GNPDA2: variants seen among roughly 807,000 people sequenced by gnomAD.
GNPDA2 encodes the protein glcN6P deaminase 2.
GNPDA2 carries 24 observed loss-of-function variants against 27.0 expected under a neutral mutation model. The observed-to-expected ratio is 0.89, with a 90% confidence interval of 0.64 to 1.25. The LOEUF is 1.25. GNPDA2 is among the 50% of genes most tolerant of loss of function. The pLI, the probability that GNPDA2 is intolerant of heterozygous loss-of-function variation, is 0.00. For synonymous variants in GNPDA2, 94 were observed against 108.4 expected (o/e 0.87, Z 0.83); for missense variants, 286 against 335.1 (o/e 0.85, Z 1.14).
chr4:44,702,664 C>T lies in GNPDA2; in HGVS notation c.*417G>A. On this transcript the variant is annotated 3_prime_UTR_variant, in exon 7 of 7. Transcript: ENST00000295448. ...GCACAGAAAATATAAAGATTGCATT[C>T]CAAAAGTGAAGGTCTGCAATGATAG... is the stretch of plus-strand genomic sequence containing the variant. The T allele has an allele frequency of 9.9e-7, 1 of 1,014,426 alleles. No individual in the cohort carries two copies. Among genetic ancestry groups the T allele is most frequent in the South Asian group, 4.1e-5 (1 of 24,408 alleles). 62.8% of individuals were successfully genotyped at this position (1,014,426 alleles called of 1,614,324 possible). A position where few individuals can be genotyped will look rare whatever the true frequency, so the allele number is the denominator to read the frequency against.
At chr4:44,708,503 GCACATAGGAACTGTCTTATAAT>G (rs34687397) in intron 5 of GNPDA2, among the ~76,000 whole-genome samples, 79,837 of 151,834 alleles carry the variant, frequency 0.53, 22,426 homozygotes, top group Non-Finnish European at 0.64. Flanking sequence ...TGTCTTATAA[GCACATAGGAACTGTCTTATAAT>G]CACATATGAC....
intron 3 of GNPDA2, 135 bp downstream of exon 3, chr4:44,718,174 T>A (rs888098100): frequency 1.2e-5 from 5 of 410,000 alleles, no homozygotes; most frequent in Non-Finnish European, 2.2e-5. Flanking sequence ...AAGCAGTACA[T>A]TTTAGAAATA....
At chr4:44,704,987 T>C in intron 6 of GNPDA2, 1 of 983,596 alleles carries the variant, frequency 1.0e-6, no homozygotes. Context: ...GTGATTAACT[T>C]GTATCTTTCA....
chr4:44,712,534 AATAT>A (rs1717041377), intron 4 of GNPDA2, among the ~76,000 whole-genome samples: 1 of 36,968 alleles, frequency 2.7e-5, no homozygotes, highest in South Asian at 7.6e-4. Flanking sequence ...TCTGCTTATA[AATAT>A]ATATTAATTA....
At chr4:44,720,171 T>C (rs1364638310) in intron 2 of GNPDA2, among the ~76,000 whole-genome samples, 2 of 152,182 alleles carry the variant, frequency 1.3e-5, no homozygotes, top group Non-Finnish European at 2.9e-5. Flanking sequence ...CTGTCTACCA[T>C]GTGGCTAGAT....
In GNPDA2 at chr4:44,707,778, C is replaced by T. The variant is rs768553217; in HGVS notation, c.743G>A (p.Arg248Lys). 3.7e-6 allele frequency: 6 copies of T among 1,612,992 alleles called. No individual in the cohort carries two copies. The highest frequency in any genetic ancestry group is 5.1e-6 in the Non-Finnish European group (6 of 1,179,544). The change falls in exon 6 of 7, where the codon AGA (arginine) becomes AAA (lysine). Residue 248 changes from arginine (R) to lysine (K), a missense_variant. Coordinates refer to ENST00000295448, the MANE Select transcript of GNPDA2 (RefSeq NM_138335.3). ...TTTAAAGTATTTCACAGTTTTAACT[C>T]TTAATTCTAAAGTAGCATCTTCATC... is the stretch of plus-strand genomic sequence containing the variant. ...VCDEDATLELRVKTVKYFKGL... is the reference protein window; with the variant it reads ...VCDEDATLELKVKTVKYFKGL...
intron 4 of GNPDA2, chr4:44,714,300 T>C (rs1717152371): frequency 2.0e-6 from 2 of 985,142 alleles, no homozygotes; most frequent in Non-Finnish European, 2.4e-6. Flanking sequence ...TAAAAATCCA[T>C]GTTTGTATAT....
intron 6 of GNPDA2, chr4:44,704,656 A>G: frequency 4.4e-6 from 4 of 899,834 alleles, no homozygotes; most frequent in Non-Finnish European, 5.3e-6. Context: ...TTTTATATAA[A>G]TAAATAATTG....
At position 44,720,710 on chromosome 4, in the gene GNPDA2, C is replaced by T. The variant is rs572541015; in HGVS notation, c.124+1374G>A. 7.9e-5 allele frequency among the ~76,000 whole-genome samples: 12 copies of T among 152,130 alleles called. No homozygotes were observed. In the South Asian group the frequency reaches 1.7e-3, roughly 21 times the overall value. The stretch of plus-strand genomic sequence containing the variant: ...GGGGAAGAGGACATAATTAACTTGT[C>T]GATGGTCAATGAAGGAGAGTAATGG... On this transcript the variant is annotated intron_variant, in intron 2 of 6. Transcript: ENST00000295448.
In GNPDA2 at chr4:44,717,131, T is replaced by C; in HGVS notation, c.391A>G (p.Ile131Val). The C allele has an allele frequency of 6.2e-7, 1 of 1,606,066 alleles. No individual in the cohort carries two copies. The highest frequency in any genetic ancestry group is 1.1e-5 in the South Asian group (1 of 88,792). ...FENKIKEAGG[I>V]DLFVGGIGPD... ...TACATACCTCCAACAAAAAGATCTA[T>C]TCCTCCAGCTTCTTTTATTTTGTTT... Residue 131 changes from isoleucine (I) to valine (V), a missense_variant, in exon 4 of 7, where the codon ATA becomes GTA. Ile to Val is a conservative substitution (Grantham distance 29). Coordinates refer to ENST00000295448, the MANE Select transcript of GNPDA2 (RefSeq NM_138335.3).
At chr4:44,725,789 C>G (rs1717974619) in intron 1 of GNPDA2, among the ~76,000 whole-genome samples, 1 of 152,182 alleles carries the variant, frequency 6.6e-6, no homozygotes, top group Non-Finnish European at 1.5e-5. Flanking sequence ...CAAAAAACAA[C>G]AGAGCACCAC....
chr4:44,717,239 T>TA lies in GNPDA2; in HGVS notation c.282dup (p.Lys95Ter). On this transcript the variant is annotated frameshift_variant, in exon 4 of 7. Coordinates refer to ENST00000295448, the MANE Select transcript of GNPDA2 (RefSeq NM_138335.3). LOFTEE classifies it high-confidence loss of function. ...TTATTAGGATCTATATCGATATGCT[T>TA]AAAAAAATTATTCCACATATAAGAA... The TA allele has an allele frequency of 6.4e-7, 1 of 1,563,278 alleles. No individual in the cohort carries two copies. The highest frequency in any genetic ancestry group is 1.7e-5 in the Admixed American group (1 of 57,314).
chr4:44,711,085 C>A lies in GNPDA2; in HGVS notation c.462G>T (p.Val154=). 6.2e-7 allele frequency: 1 copy of A among 1,611,792 alleles called. No homozygotes were observed. The highest frequency in any genetic ancestry group is 8.5e-7 in the Non-Finnish European group (1 of 1,179,136). The change falls in exon 5 of 7, where the codon GTG becomes GTT. Residue 154 remains valine (V), a synonymous_variant. Coordinates refer to ENST00000295448, the MANE Select transcript of GNPDA2 (RefSeq NM_138335.3). ...IAFNEPGSSL[V]SRTRLKTLAM... is the part of the protein sequence containing the mutation. ...CTAGAGTCTTTAATCTTGTCCTTGA[C>A]ACTAAACTGGATCCAGGCTCATTGA...
intron 1 of GNPDA2, among the ~76,000 whole-genome samples, chr4:44,723,511 T>C (rs1411861602): frequency 6.6e-6 from 1 of 152,142 alleles, no homozygotes; most frequent in Non-Finnish European, 1.5e-5. Flanking sequence ...TCTTTCTATT[T>C]GGGAGTTGTT....
intron 2 of GNPDA2, among the ~76,000 whole-genome samples, chr4:44,720,700 ATTAAC>A (rs1717608354): frequency 6.6e-6 from 1 of 152,140 alleles, no homozygotes; most frequent in African/African-American, 2.4e-5. Context: ...AGAGGACATA[ATTAAC>A]TTGTCGATGG....
chr4:44,725,563 T>G (rs1717958231), intron 1 of GNPDA2, among the ~76,000 whole-genome samples: 1 of 152,206 alleles, frequency 6.6e-6, no homozygotes, highest in East Asian at 1.9e-4. Flanking sequence ...AGCAAGTCTC[T>G]CAGACCAAGG....
intron 3 of GNPDA2, 120 bp downstream of exon 3, chr4:44,718,189 C>T (rs1047436057): frequency 2.3e-6 from 1 of 438,796 alleles, no homozygotes; most frequent in Non-Finnish European, 4.1e-6. Context: ...GAAATATATT[C>T]ATACATTAAT....
intron 5 of GNPDA2, among the ~76,000 whole-genome samples, chr4:44,709,239 G>A (rs184242148): frequency 1.3e-5 from 2 of 152,230 alleles, no homozygotes; most frequent in East Asian, 1.9e-4. Flanking sequence ...GGAGTGGAGG[G>A]AAAGGAGGCT....
At position 44,722,141 on chromosome 4, in the gene GNPDA2, G is replaced by C; in HGVS notation, c.67C>G (p.Arg23Gly). ...SEWAAKYICN[R>G]IIQFKPGQDR... ...TGTCCAGGTTTGAACTGAATGATGC[G>C]ATTACAGATGTATTTGGCTGCCCAT... The change falls in exon 2 of 7, where the codon CGC becomes GGC. Residue 23 changes from arginine (R) to glycine (G), a missense_variant. By Grantham distance (125) the Arg-to-Gly change is moderately radical. Transcript: ENST00000295448. 1 of 1,613,302 alleles carries C rather than the reference G, an allele frequency of 6.2e-7. No individual in the cohort carries two copies. The highest frequency in any genetic ancestry group is 8.5e-7 in the Non-Finnish European group (1 of 1,179,342).
Sources: gnomAD v4.1 joint callset for allele counts (sites outside exome capture counted in the v4.1 genomes callset) on GRCh38, gnomAD v4.1.1 for gene constraint, MANE v1.5 for transcripts, NCBI Gene and HGNC (gene_info 2026-07-23, HGNC 2026-07-21) for gene names.